Variants in PDE11A observed in about 807,000 individuals in gnomAD.
The protein encoded by PDE11A is phosphodiesterase 11A.
A neutral mutation model predicts 100.5 loss-of-function variants in PDE11A; 100 were observed. That is an observed-to-expected ratio of 1.00 (90% confidence interval 0.85 to 1.18). PDE11A has a LOEUF of 1.18. Ranked by LOEUF, PDE11A falls within the 50% of genes most tolerant of loss-of-function variation. The pLI is 0.00. For synonymous variants in PDE11A, 381 were observed against 420.8 expected, an observed-to-expected ratio of 0.91 and a Z score of 1.16; for missense variants, 1,141 against 1,152.6, an observed-to-expected ratio of 0.99 and a Z score of 0.15.
At chr2:177,984,341 T>C (rs2085917108) in intron 2 of PDE11A, among the ~76,000 whole-genome samples, 1 of 152,202 alleles carries the variant, frequency 6.6e-6, no homozygotes, top group Admixed American at 6.5e-5. Flanking sequence ...AATGAATACC[T>C]TTCTCATGAT....
intron 9 of PDE11A, among the ~76,000 whole-genome samples, chr2:177,793,752 A>G (rs1436617114): frequency 1.3e-5 from 2 of 152,242 alleles, no homozygotes; most frequent in East Asian, 3.9e-4. Context: ...ACCTGGCTCC[A>G]TCGCTCACAC....
At chr2:177,945,825 G>A (rs1332363467) in intron 2 of PDE11A, among the ~76,000 whole-genome samples, 4 of 106,344 alleles carry the variant, frequency 3.8e-5, no homozygotes, top group Non-Finnish European at 6.8e-5. Flanking sequence ...CGGGAGGGAG[G>A]TGGGGGGGTC....
chr2:177,972,068 C>T (rs2085778291), intron 2 of PDE11A, among the ~76,000 whole-genome samples: 1 of 152,150 alleles, frequency 6.6e-6, no homozygotes, highest in Admixed American at 6.5e-5. Context: ...GATACAAAAG[C>T]TAAATCCATC....
chr2:177,735,141 G>A (rs2081757451), intron 10 of PDE11A, among the ~76,000 whole-genome samples: 1 of 152,182 alleles, frequency 6.6e-6, no homozygotes, highest in Non-Finnish European at 1.5e-5. Context: ...TGCGATGGGG[G>A]AAACACGGGG....
intron 14 of PDE11A, 79 bp from the exon 15 acceptor site, chr2:177,697,511 A>G: frequency 1.3e-6 from 1 of 768,850 alleles, no homozygotes; most frequent in Non-Finnish European, 2.3e-6. Context: ...TATTTAAAAA[A>G]AAGTCTGGGA....
chr2:178,047,834 A>G (rs1266908599), intron 1 of PDE11A, among the ~76,000 whole-genome samples: 1 of 152,178 alleles, frequency 6.6e-6, no homozygotes, highest in African/African-American at 2.4e-5. Context: ...CATGTTATAT[A>G]TGGAGATTCT....
At chr2:177,973,053 A>C (rs1210669425) in intron 2 of PDE11A, among the ~76,000 whole-genome samples, 1 of 152,336 alleles carries the variant, frequency 6.6e-6, no homozygotes, top group African/African-American at 2.4e-5. Flanking sequence ...GTGACTCAGA[A>C]TACTCAAGAA....
chr2:177,849,099 G>C (rs573515806), intron 5 of PDE11A, among the ~76,000 whole-genome samples: 1 of 152,204 alleles, frequency 6.6e-6, no homozygotes, highest in Non-Finnish European at 1.5e-5. Context: ...CTGGACAGGA[G>C]TGAGCCAAAT....
At chr2:178,067,459 A>G (rs2087062327) in intron 1 of PDE11A, among the ~76,000 whole-genome samples, 1 of 152,172 alleles carries the variant, frequency 6.6e-6, no homozygotes, top group Non-Finnish European at 1.5e-5. Context: ...TGGCCAAATT[A>G]AACCACTCAC....
At chr2:177,655,697 C>T (rs1257230778) in intron 19 of PDE11A, among the ~76,000 whole-genome samples, 1 of 152,074 alleles carries the variant, frequency 6.6e-6, no homozygotes. Context: ...CACCACCATG[C>T]CTGGCTAAGA....
At chr2:178,073,552 G>C (rs1261719767), upstream of PDE11A, among the ~76,000 whole-genome samples, 1 of 152,092 alleles carries the variant, frequency 6.6e-6, no homozygotes, top group African/African-American at 2.4e-5. Context: ...TGGAGCTGCT[G>C]GTTTCCAAGA....
chr2:177,672,056 G>C (rs1024606039), intron 17 of PDE11A, among the ~76,000 whole-genome samples: 38 of 151,936 alleles, frequency 2.5e-4, no homozygotes, highest in African/African-American at 8.7e-4. Context: ...GCCTCCCCCA[G>C]TACTACACTT....
chr2:178,051,903 C>A (rs1232703256), intron 1 of PDE11A, among the ~76,000 whole-genome samples: 1 of 152,146 alleles, frequency 6.6e-6, no homozygotes, highest in Non-Finnish European at 1.5e-5. Flanking sequence ...GATTCCCACA[C>A]AATAATAATG....
At chr2:178,018,001 T>A (rs1394575588) in intron 1 of PDE11A, 1 of 155,518 alleles carries the variant, frequency 6.4e-6, no homozygotes, top group Non-Finnish European at 1.4e-5. Context: ...AGATGGTGGT[T>A]CTCTGGAGGT....
chr2:177,625,952 C>T lies in PDE11A; in HGVS notation c.*3455G>A, dbSNP rs577407169. 1 of 152,608 alleles carries T rather than the reference C, an allele frequency of 6.6e-6. No individual in the cohort carries two copies. The highest frequency in any genetic ancestry group is 2.1e-4 in the South Asian group (1 of 4,822). The allele number at this position is 152,608 out of a possible 1,614,324, so 9.5% of individuals were successfully genotyped here. A position where few individuals can be genotyped will look rare whatever the true frequency, so the allele number is the denominator to read the frequency against. On this transcript the variant is annotated 3_prime_UTR_variant, in exon 20 of 20. Transcript: ENST00000286063. ...AGTCAGCAGTTTCTAAATCTTGACC[C>T]ACAATAGGAAAGATACCTCAAGACA...
chr2:177,728,021 C>T lies in PDE11A; in HGVS notation c.1935+5G>A, dbSNP rs1005129397. 1.9e-6 allele frequency: 3 copies of T among 1,612,494 alleles called. No individual in the cohort carries two copies. Among genetic ancestry groups the T allele is most frequent in the Non-Finnish European group, 2.5e-6 (3 of 1,178,876 alleles). ...TGCTTGGATCACCCAAGACAGACAT[C>T]TTACCTCATAGTCAATTTTAAATTT... On this transcript the variant is annotated splice_donor_5th_base_variant and intron_variant, in intron 11 of 19. Coordinates refer to ENST00000286063, the MANE Select transcript of PDE11A (RefSeq NM_016953.4).
chr2:178,014,693 C>T (rs544025563), intron 1 of PDE11A, among the ~76,000 whole-genome samples: 112 of 152,160 alleles, frequency 7.4e-4, no homozygotes, highest in African/African-American at 2.4e-3. Context: ...TAAGCCCAAC[C>T]GCAACACATC....
At chr2:177,842,791 C>G (rs1036824029) in intron 5 of PDE11A, among the ~76,000 whole-genome samples, 1 of 152,114 alleles carries the variant, frequency 6.6e-6, no homozygotes, top group African/African-American at 2.4e-5. Context: ...GCCTGTGGCC[C>G]TATTAGCAGA....
At chr2:178,001,146 A>G (rs1017114563) in intron 2 of PDE11A, among the ~76,000 whole-genome samples, 3 of 152,200 alleles carry the variant, frequency 2.0e-5, no homozygotes, top group Non-Finnish European at 4.4e-5. Context: ...CAAAGCACCT[A>G]TCACAGAGTA....
Sources: gnomAD v4.1 joint callset for allele counts (sites outside exome capture counted in the v4.1 genomes callset) on GRCh38, gnomAD v4.1.1 for gene constraint, MANE v1.5 for transcripts, NCBI Gene and HGNC (gene_info 2026-07-23, HGNC 2026-07-21) for gene names.